The following TTC23L variants were observed in gnomAD, a reference collection of about 807,000 sequenced individuals.
TTC23L encodes tetratricopeptide repeat domain 23 like.
TTC23L carries 42 observed loss-of-function variants against 48.1 expected under a neutral mutation model. The observed-to-expected ratio is 0.87, with a 90% CI of 0.68 to 1.13. The LOEUF is 1.13. Ranked by LOEUF, TTC23L falls within the 50% of genes most tolerant of loss-of-function variation. The pLI is 0.00. For synonymous variants in TTC23L, 159 were observed against 157.2 expected, an observed-to-expected ratio of 1.01 and a Z score of -0.09; for missense variants, 391 against 421.0, an observed-to-expected ratio of 0.93 and a Z score of 0.62.
chr5:34,855,196 GAT>G (rs1760026560), intron 4 of TTC23L, among the ~76,000 whole-genome samples: 2 of 60,412 alleles, frequency 3.3e-5, no homozygotes, highest in Admixed American at 1.5e-4. Context: ...GGACTGGTAA[GAT>G]GAACCTGGAA....
chr5:34,847,276 A>G (rs1391544944), intron 3 of TTC23L, among the ~76,000 whole-genome samples: 1 of 152,186 alleles, frequency 6.6e-6, no homozygotes, highest in East Asian at 1.9e-4. Context: ...CCAGGCTAGA[A>G]GGATCATTTC....
chr5:34,891,260 G>T lies in TTC23L; in HGVS notation c.1078-5510G>T, dbSNP rs183290445. On this transcript the variant is annotated intron_variant, in intron 9 of 10. Transcript: ENST00000505624. Reference sequence around the variant, plus strand: ...AATAGGTACAGAGTATACATTACTGGAGTCTGACCTGTGATCTTAACCTGC... The same window carrying T: ...AATAGGTACAGAGTATACATTACTGTAGTCTGACCTGTGATCTTAACCTGC... Among the ~76,000 whole-genome samples the T allele has an allele frequency of 2.6e-5, 4 of 152,206 alleles. No homozygotes were observed. The East Asian group carries it at 5.8e-4, about 22-fold the overall frequency.
chr5:34,923,198 C>G, the TTC23L span: 2 of 1,613,980 alleles, frequency 1.2e-6, no homozygotes, highest in Non-Finnish European at 1.7e-6. Flanking sequence ...TTACTTTCAC[C>G]ATTTTGGATA....
At chr5:34,902,044 GAC>G (rs1376563261), downstream of TTC23L, among the ~76,000 whole-genome samples, 5 of 152,150 alleles carry the variant, frequency 3.3e-5, no homozygotes, top group African/African-American at 1.2e-4. Flanking sequence ...TGAATTTAGC[GAC>G]AGAGAAATCT....
In TTC23L at chr5:34,864,398, G is replaced by A. The variant is rs374685296; in HGVS notation, c.537-39G>A. ...CACCTGCTGTCCCTGTGCAGTGGAT[G>A]TTAGTTTGAGTGCTTGCCATTTTCC... On this transcript the variant is annotated intron_variant, in intron 5 of 10. Coordinates refer to ENST00000505624, the Ensembl canonical transcript of TTC23L. The A allele has an allele frequency of 8.7e-6, 14 of 1,610,292 alleles. No homozygotes were observed. In the Admixed American group the frequency reaches 1.5e-4, roughly 17 times the overall value.
intron 7 of TTC23L, 71 bp downstream of exon 7, chr5:34,867,140 A>G: frequency 1.4e-6 from 2 of 1,451,882 alleles, no homozygotes; most frequent in Non-Finnish European, 1.9e-6. Context: ...AGGGCCAGGG[A>G]AGCATGGGCT....
chr5:34,903,901 GA>G (rs942322440), downstream of TTC23L, among the ~76,000 whole-genome samples: 7 of 150,470 alleles, frequency 4.7e-5, no homozygotes, highest in East Asian at 1.2e-3. Flanking sequence ...TACCAAGTTA[GA>G]AAAAAAAATA....
the TTC23L span, chr5:34,909,004 C>G: frequency 7.1e-7 from 1 of 1,412,386 alleles, no homozygotes; most frequent in African/African-American, 1.4e-5. Context: ...CTGCTCAGAA[C>G]TCCCAAGTAA....
intron 2 of TTC23L, among the ~76,000 whole-genome samples, chr5:34,843,549 G>A (rs759096188): frequency 3.3e-5 from 5 of 152,050 alleles, no homozygotes; most frequent in Admixed American, 1.3e-4. Context: ...AAAATATTTC[G>A]GGCTTATAAT....
chr5:34,841,678 TG>T (rs1758687564), intron 2 of TTC23L, among the ~76,000 whole-genome samples: 1 of 152,132 alleles, frequency 6.6e-6, no homozygotes, highest in Non-Finnish European at 1.5e-5. Context: ...CCACCATACC[TG>T]CCTAATTTTT....
the TTC23L span, chr5:34,913,947 T>C: frequency 2.2e-6 from 1 of 457,908 alleles, no homozygotes; most frequent in South Asian, 1.5e-5. Context: ...CTTTAATGCC[T>C]GAGCTCAAGC....
the TTC23L span, chr5:34,907,319 C>T: frequency 6.6e-6 from 1 of 152,150 alleles, no homozygotes; most frequent in African/African-American, 2.4e-5. Flanking sequence ...CAATGACTAG[C>T]ATCAGTGGGT....
the TTC23L span, chr5:34,918,496 T>C: frequency 3.6e-6 from 5 of 1,389,042 alleles, no homozygotes; most frequent in East Asian, 1.2e-4. Flanking sequence ...ATCATATACT[T>C]TAGAAATTTC....
intron 9 of TTC23L, among the ~76,000 whole-genome samples, chr5:34,895,975 G>T (rs1042136584): frequency 2.0e-5 from 3 of 152,192 alleles, no homozygotes; most frequent in Non-Finnish European, 4.4e-5. Context: ...CCAAACCTTG[G>T]TATGAGTGAG....
chr5:34,894,894 T>G (rs1018516309), intron 9 of TTC23L, among the ~76,000 whole-genome samples: 1 of 151,374 alleles, frequency 6.6e-6, no homozygotes, highest in Non-Finnish European at 1.5e-5. Context: ...ATGATGATGA[T>G]GATGATGATG....
chr5:34,876,301 C>T (rs996624640), intron 8 of TTC23L, among the ~76,000 whole-genome samples: 3 of 151,750 alleles, frequency 2.0e-5, no homozygotes, highest in African/African-American at 7.3e-5. Context: ...AACAGCAAGT[C>T]AATGAAGAAA....
intron 4 of TTC23L, among the ~76,000 whole-genome samples, chr5:34,857,535 T>C (rs1334135094): frequency 1.3e-5 from 2 of 152,192 alleles, no homozygotes; most frequent in African/African-American, 4.8e-5. Flanking sequence ...GAAGTGAGTC[T>C]GCATTTGAGA....
the TTC23L span, among the ~76,000 whole-genome samples, chr5:34,909,924 A>G: frequency 2.2e-4 from 33 of 152,338 alleles, no homozygotes; most frequent in Admixed American, 8.5e-4. Context: ...GAGCATGGCG[A>G]TAAGATCCAG....
chr5:34,909,740 G>C, the TTC23L span, among the ~76,000 whole-genome samples: 5 of 152,114 alleles, frequency 3.3e-5, no homozygotes, highest in African/African-American at 1.2e-4. Flanking sequence ...CCTACACCTA[G>C]GAATTACAGC....
Sources: gnomAD v4.1 joint callset for allele counts (sites outside exome capture counted in the v4.1 genomes callset) on GRCh38, gnomAD v4.1.1 for gene constraint, MANE v1.5 for transcripts, NCBI Gene and HGNC (gene_info 2026-07-23, HGNC 2026-07-21) for gene names.